The following CSNK1G1 variants were observed in gnomAD, a reference collection of about 807,000 sequenced individuals.
CSNK1G1 encodes casein kinase I isoform gamma-1.
A neutral mutation model predicts 59.6 loss-of-function variants in CSNK1G1; 22 were observed. That is an observed-to-expected ratio of 0.37 (90% CI 0.26 to 0.53). CSNK1G1 has a LOEUF of 0.53. CSNK1G1 is among the 20% of genes least tolerant of loss of function. The pLI, the probability that CSNK1G1 is intolerant of heterozygous loss-of-function variation, is 0.89. For missense variants in CSNK1G1, 384 were observed against 519.5 expected (o/e 0.74, Z 2.54); for synonymous variants, 179 against 177.1 (o/e 1.01, Z -0.08).
intron 4 of CSNK1G1, among the ~76,000 whole-genome samples, chr15:64,246,208 A>T (rs1036851074): frequency 6.6e-6 from 1 of 152,210 alleles, no homozygotes; most frequent in Non-Finnish European, 1.5e-5. Flanking sequence ...TATCCCATAA[A>T]TAGGTATATT....
chr15:64,223,048 A>C (rs977360863), intron 4 of CSNK1G1, among the ~76,000 whole-genome samples: 9 of 152,194 alleles, frequency 5.9e-5, no homozygotes, highest in Non-Finnish European at 8.8e-5. Context: ...GCTGTAATTT[A>C]TTAGAACTAT....
At chr15:64,237,074 T>C (rs193051615) in intron 4 of CSNK1G1, among the ~76,000 whole-genome samples, 3 of 152,204 alleles carry the variant, frequency 2.0e-5, no homozygotes, top group East Asian at 1.9e-4. Flanking sequence ...AAAAAATAGG[T>C]TTACATGAAT....
rs2081631566 is a variant in CSNK1G1, at chr15:64,168,801, G to A, written c.*3130C>T. 6.6e-6 allele frequency: 1 copy of A among 152,142 alleles called. No homozygotes were observed. Among genetic ancestry groups the A allele is most frequent in the Non-Finnish European group, 1.5e-5 (1 of 68,024 alleles). 9.4% of individuals were successfully genotyped at this position (152,142 alleles called of 1,614,324 possible). On this transcript the variant is annotated 3_prime_UTR_variant, in exon 12 of 12. Transcript: ENST00000303052. Reference sequence around the variant, plus strand: ...ATTCGCTGATGGGCCTGAAACAAATGGCCAATTGCATCTAGGGTACTCAGG... The same window carrying A: ...ATTCGCTGATGGGCCTGAAACAAATAGCCAATTGCATCTAGGGTACTCAGG...
At chr15:64,317,862 C>T (rs1025300459) in intron 1 of CSNK1G1, among the ~76,000 whole-genome samples, 9 of 152,160 alleles carry the variant, frequency 5.9e-5, no homozygotes, top group Non-Finnish European at 1.0e-4. Context: ...CTTTAGCCTA[C>T]AATTAGTGCA....
At chr15:64,175,359 C>G (rs955609888) in intron 11 of CSNK1G1, among the ~76,000 whole-genome samples, 1 of 152,116 alleles carries the variant, frequency 6.6e-6, no homozygotes, top group Admixed American at 6.6e-5. Context: ...AGGCTGTTAC[C>G]TCCATATAGA....
intron 4 of CSNK1G1, among the ~76,000 whole-genome samples, chr15:64,226,339 C>G (rs2082460686): frequency 6.6e-6 from 1 of 152,122 alleles, no homozygotes; most frequent in African/African-American, 2.4e-5. Context: ...GTGTATGGAT[C>G]ACGAGGTCAG....
chr15:64,254,019 AG>A (rs1892233330), intron 3 of CSNK1G1, among the ~76,000 whole-genome samples: 1 of 152,136 alleles, frequency 6.6e-6, no homozygotes, highest in African/African-American at 2.4e-5. Context: ...GTGCGCCTGT[AG>A]TCCCAGCTAC....
chr15:64,324,786 G>C (rs1896758953), intron 1 of CSNK1G1, among the ~76,000 whole-genome samples: 2 of 152,140 alleles, frequency 1.3e-5, no homozygotes, highest in African/African-American at 2.4e-5. Flanking sequence ...ACATATTCTT[G>C]TTGCCTAATT....
chr15:64,202,548 C>CT lies in CSNK1G1; in HGVS notation c.1107+533dup, dbSNP rs869164024. Among the ~76,000 whole-genome samples, 1,033 of 139,916 alleles carry CT rather than the reference C, an allele frequency of 7.4e-3. 10 individuals are homozygous for CT. The highest frequency in any genetic ancestry group is 0.03 in the Middle Eastern group (8 of 266). 91.8% of individuals were successfully genotyped at this position (139,916 alleles called of 152,430 possible). ...CAACAGACTCTGACAGGCCCACACA[C>CT]TTTTTTTTTTTTTTTTTTAAGACAG... On this transcript the variant is annotated intron_variant, in intron 10 of 11. Coordinates refer to ENST00000303052, the MANE Select transcript of CSNK1G1 (RefSeq NM_022048.5).
At chr15:64,262,349 T>C (rs1220062594) in intron 2 of CSNK1G1, among the ~76,000 whole-genome samples, 6 of 152,252 alleles carry the variant, frequency 3.9e-5, no homozygotes, top group Middle Eastern at 3.4e-3. Context: ...GGTAGTGAAT[T>C]TGGGCACAAG....
chr15:64,319,596 A>C (rs893995695), intron 1 of CSNK1G1, among the ~76,000 whole-genome samples: 2 of 152,024 alleles, frequency 1.3e-5, no homozygotes. Context: ...CCCAGGCTGG[A>C]GTGCAGTGGC....
intron 4 of CSNK1G1, among the ~76,000 whole-genome samples, chr15:64,226,093 G>C (rs1003983977): frequency 3.3e-5 from 5 of 152,192 alleles, no homozygotes; most frequent in Non-Finnish European, 5.9e-5. Flanking sequence ...TTTGCTCAAG[G>C]CACCAAGAAC....
intron 10 of CSNK1G1, among the ~76,000 whole-genome samples, chr15:64,195,991 A>G (rs1422127502): frequency 1.3e-5 from 2 of 152,188 alleles, no homozygotes; most frequent in African/African-American, 2.4e-5. Flanking sequence ...GTTACTTGGG[A>G]GGCTGAGGCA....
intron 1 of CSNK1G1, among the ~76,000 whole-genome samples, chr15:64,355,452 G>A (rs945415325): frequency 6.6e-6 from 1 of 152,202 alleles, no homozygotes; most frequent in South Asian, 2.1e-4. Flanking sequence ...AGAAGTGGGG[G>A]AAGCGTACGG....
intron 1 of CSNK1G1, among the ~76,000 whole-genome samples, chr15:64,348,039 C>T (rs935797033): frequency 5.3e-5 from 8 of 150,268 alleles, no homozygotes; most frequent in African/African-American, 1.7e-4. Flanking sequence ...ACATTCAACG[C>T]ATATTGCTAA....
At chr15:64,259,288 G>A (rs755439210) in intron 2 of CSNK1G1, 47 bp from the exon 3 acceptor site, 2 of 1,388,638 alleles carry the variant, frequency 1.4e-6, no homozygotes, top group Non-Finnish European at 2.0e-6. Flanking sequence ...TTTATTCTGG[G>A]AAAAGCAAAG....
rs1212005568 is a variant in CSNK1G1 at position 64,238,518 on chromosome 15, A to AATATAT, written c.292+12988_292+12993dup. ...TTAAAAAAAAAAAAAAAAAAAAAAA[A>AATATAT]ATATATATATATATATATATATATA... On this transcript the variant is annotated intron_variant, in intron 4 of 11. Transcript: ENST00000303052. Among the ~76,000 whole-genome samples the AATATAT allele has an allele frequency of 3.8e-3, 186 of 49,200 alleles. 2 individuals are homozygous for AATATAT. The highest frequency in any genetic ancestry group is 0.018 in the South Asian group (11 of 620). 32.3% of individuals were successfully genotyped at this position (49,200 alleles called of 152,430 possible). A position where few individuals can be genotyped will look rare whatever the true frequency, so the allele number is the denominator to read the frequency against.
chr15:64,334,419 G>T lies in CSNK1G1; in HGVS notation c.-225+21569C>A, dbSNP rs773121933. Among the ~76,000 whole-genome samples the T allele has an allele frequency of 3.1e-4, 47 of 152,202 alleles. No individual in the cohort carries two copies. The Middle Eastern group carries it at 0.014, about 44-fold the overall frequency. The stretch of plus-strand genomic sequence containing the variant: ...CTGGGGGTGGAGGGCAGGGGGGAAT[G>T]GTTTAGGGATGATTCAAGCACACTA... On this transcript the variant is annotated intron_variant, in intron 1 of 11. Transcript: ENST00000303052.
At chr15:64,344,061 T>C (rs1370219206) in intron 1 of CSNK1G1, among the ~76,000 whole-genome samples, 1 of 151,986 alleles carries the variant, frequency 6.6e-6, no homozygotes, top group Non-Finnish European at 1.5e-5. Context: ...GAAAGAAAAA[T>C]AGTAATGTAT....
Sources: gnomAD v4.1 joint callset for allele counts (sites outside exome capture counted in the v4.1 genomes callset) on GRCh38, gnomAD v4.1.1 for gene constraint, MANE v1.5 for transcripts, NCBI Gene and HGNC (gene_info 2026-07-23, HGNC 2026-07-21) for gene names.